FSTL5: variants seen among roughly 807,000 people sequenced by gnomAD.
FSTL5 encodes the protein follistatin-related protein 5.
A neutral mutation model predicts 89.1 loss-of-function variants in FSTL5; 62 were observed. The ratio of observed to expected loss-of-function variants is 0.70; its 90% CI spans 0.57 to 0.86. The LOEUF (loss-of-function observed/expected upper bound fraction) is 0.86, where lower values mean the gene tolerates loss of function less well. FSTL5 is among the 40% of genes least tolerant of loss of function. The probability of loss-of-function intolerance (pLI) is 0.00; values close to 1 mark genes in which losing one functional copy is unlikely to be tolerated. For synonymous variants in FSTL5, 383 were observed against 346.2 expected, an observed-to-expected ratio of 1.11 and a Z score of -1.18; for missense variants, 1,057 against 1,001.6, an observed-to-expected ratio of 1.06 and a Z score of -0.75.
chr4:162,140,299 CA>C (rs1188292279), intron 1 of FSTL5, among the ~76,000 whole-genome samples: 1 of 152,022 alleles, frequency 6.6e-6, no homozygotes, highest in Non-Finnish European at 1.5e-5. Flanking sequence ...CACATGTGTT[CA>C]AGGAAATATA....
At chr4:161,532,151 G>A (rs1382655090) in intron 10 of FSTL5, among the ~76,000 whole-genome samples, 2 of 151,572 alleles carry the variant, frequency 1.3e-5, no homozygotes, top group Non-Finnish European at 2.9e-5. Flanking sequence ...CTTACAGTGA[G>A]CGGAGATCAC....
intron 12 of FSTL5, among the ~76,000 whole-genome samples, chr4:161,494,492 A>C (rs1424181101): frequency 6.6e-6 from 1 of 152,238 alleles, no homozygotes; most frequent in Non-Finnish European, 1.5e-5. Flanking sequence ...CAACAACAGC[A>C]GAGAAAGAAA....
At chr4:161,505,340 C>A (rs538085455) in intron 11 of FSTL5, among the ~76,000 whole-genome samples, 1 of 152,140 alleles carries the variant, frequency 6.6e-6, no homozygotes, top group Non-Finnish European at 1.5e-5. Flanking sequence ...TCAATAAAGT[C>A]TTTATATTAA....
At chr4:161,949,066 G>A (rs1467679569) in intron 3 of FSTL5, among the ~76,000 whole-genome samples, 1 of 152,140 alleles carries the variant, frequency 6.6e-6, no homozygotes, top group African/African-American at 2.4e-5. Flanking sequence ...CCTTCTGGGA[G>A]GTTCTAGGGG....
At chr4:161,612,761 G>C (rs1734695307) in intron 7 of FSTL5, among the ~76,000 whole-genome samples, 1 of 152,210 alleles carries the variant, frequency 6.6e-6, no homozygotes, top group South Asian at 2.1e-4. Flanking sequence ...GAGTTGTAGA[G>C]AACAGTATTG....
chr4:161,668,768 G>A (rs149388773), intron 6 of FSTL5, among the ~76,000 whole-genome samples: 126 of 152,140 alleles, frequency 8.3e-4, no homozygotes, highest in Non-Finnish European at 1.2e-3. Context: ...AAAACAAAAC[G>A]TGCAAGATTT....
At chr4:162,092,169 T>C (rs1257109077) in intron 2 of FSTL5, among the ~76,000 whole-genome samples, 2 of 152,114 alleles carry the variant, frequency 1.3e-5, no homozygotes, top group Non-Finnish European at 2.9e-5. Context: ...CCATGCTGGA[T>C]TCCAGTTTTA....
At chr4:161,753,470 A>AT (rs1164923740) in intron 6 of FSTL5, among the ~76,000 whole-genome samples, 1 of 152,024 alleles carries the variant, frequency 6.6e-6, no homozygotes, top group African/African-American at 2.4e-5. Flanking sequence ...ACATTCCTGC[A>AT]TTTTTACTGT....
At chr4:161,809,557 T>G (rs989058377) in intron 4 of FSTL5, among the ~76,000 whole-genome samples, 3 of 152,236 alleles carry the variant, frequency 2.0e-5, no homozygotes, top group African/African-American at 7.2e-5. Flanking sequence ...AGTAGCATTA[T>G]TCACAACAGC....
At chr4:161,733,434 AC>A (rs1187498349) in intron 6 of FSTL5, among the ~76,000 whole-genome samples, 3 of 151,900 alleles carry the variant, frequency 2.0e-5, no homozygotes, top group Non-Finnish European at 4.4e-5. Context: ...TTATTTTCAA[AC>A]AAAAACATTT....
chr4:161,605,436 T>G (rs1734405467), intron 7 of FSTL5, among the ~76,000 whole-genome samples: 1 of 152,174 alleles, frequency 6.6e-6, no homozygotes, highest in African/African-American at 2.4e-5. Context: ...TAAAAAAAAT[T>G]GAAGAGTATA....
At chr4:162,097,869 A>G (rs1440539227) in intron 2 of FSTL5, among the ~76,000 whole-genome samples, 1 of 151,998 alleles carries the variant, frequency 6.6e-6, no homozygotes, top group Non-Finnish European at 1.5e-5. Flanking sequence ...GCTGTTGGGA[A>G]TGGAAAATTG....
chr4:162,110,429 G>A (rs1731389776), intron 2 of FSTL5, among the ~76,000 whole-genome samples: 1 of 151,632 alleles, frequency 6.6e-6, no homozygotes, highest in Non-Finnish European at 1.5e-5. Context: ...TATATGCAGT[G>A]TAAATGCATA....
chr4:161,937,804 G>C (rs953354061), intron 3 of FSTL5, among the ~76,000 whole-genome samples: 1 of 152,160 alleles, frequency 6.6e-6, no homozygotes, highest in Non-Finnish European at 1.5e-5. Context: ...CCAAAGATCA[G>C]CATCTCTCCT....
At chr4:161,629,421 C>T (rs1054049390) in intron 7 of FSTL5, among the ~76,000 whole-genome samples, 5 of 152,074 alleles carry the variant, frequency 3.3e-5, no homozygotes, top group African/African-American at 9.7e-5. Flanking sequence ...CGGTTCACTG[C>T]AACCTCTGCC....
intron 1 of FSTL5, among the ~76,000 whole-genome samples, chr4:162,163,035 A>T (rs1386524065): frequency 6.6e-6 from 1 of 152,148 alleles, no homozygotes; most frequent in Non-Finnish European, 1.5e-5. Flanking sequence ...TTTTATTTGG[A>T]TCTACTGCAT....
In FSTL5 at chr4:162,093,983, G is replaced by A. The variant is rs191082455; in HGVS notation, c.126+17288C>T. Reference sequence around the variant, plus strand: ...ATATATCATCTGCTCACATCTCATCGTTTCTAGGTAGACAAAATAAAGCTA... The same window carrying A: ...ATATATCATCTGCTCACATCTCATCATTTCTAGGTAGACAAAATAAAGCTA... On this transcript the variant is annotated intron_variant, in intron 2 of 15. Coordinates refer to ENST00000306100, the MANE Select transcript of FSTL5 (RefSeq NM_020116.5). Among the ~76,000 whole-genome samples, 16 of 152,108 alleles carry A rather than the reference G, an allele frequency of 1.1e-4. No individual in the cohort carries two copies. The East Asian group carries it at 2.5e-3, about 24-fold the overall frequency.
intron 7 of FSTL5, among the ~76,000 whole-genome samples, chr4:161,646,289 G>A (rs1736152869): frequency 6.8e-6 from 1 of 147,812 alleles, no homozygotes; most frequent in South Asian, 2.1e-4. Context: ...ATATATTTAT[G>A]CATGTGTATA....
intron 6 of FSTL5, 116 bp from the exon 7 acceptor site, chr4:161,656,610 C>A: frequency 1.8e-6 from 1 of 546,588 alleles, no homozygotes; most frequent in Middle Eastern, 4.2e-4. Flanking sequence ...GGGAAAAAAG[C>A]TTGTGATGAA....
Sources: allele counts gnomAD v4.1 joint callset (sites outside exome capture counted in the v4.1 genomes callset), GRCh38; gene constraint gnomAD v4.1.1; transcripts MANE v1.5; gene names NCBI Gene and HGNC (gene_info 2026-07-23, HGNC 2026-07-21).